The following RBFOX1 variants were observed in gnomAD, a reference collection of about 807,000 sequenced individuals.
RBFOX1 encodes the protein RNA binding protein fox-1 homolog 1.
In RBFOX1, 8 loss-of-function variants were observed where a neutral mutation model predicts 57.7. The ratio of observed to expected loss-of-function variants is 0.14; its 90% CI spans 0.08 to 0.25. RBFOX1 has a LOEUF of 0.25. Ranked by LOEUF, RBFOX1 falls within the 10% of genes least tolerant of loss-of-function variation. The pLI, the probability that RBFOX1 is intolerant of heterozygous loss-of-function variation, is 1.00. For synonymous variants in RBFOX1, 326 were observed against 222.4 expected (o/e 1.47, Z -4.15); for missense variants, 611 against 548.5 (o/e 1.11, Z -1.14).
At chr16:7,303,671 C>CAGCATCAGAACCAACGGAGTG (rs1568115256) in intron 4 of RBFOX1, among the ~76,000 whole-genome samples, 1 of 152,128 alleles carries the variant, frequency 6.6e-6, no homozygotes, top group African/African-American at 2.4e-5. Context: ...AGGAGACAGA[C>CAGCATCAGAACCAACGGAGTG]AGCATCAGAA....
At chr16:7,259,665 T>A (rs2094839903) in intron 4 of RBFOX1, among the ~76,000 whole-genome samples, 1 of 152,218 alleles carries the variant, frequency 6.6e-6, no homozygotes, top group African/African-American at 2.4e-5. Context: ...TGAAATTTTA[T>A]CACTAACTTG....
intron 3 of RBFOX1, among the ~76,000 whole-genome samples, chr16:6,932,587 A>G (rs946848721): frequency 3.9e-5 from 6 of 152,098 alleles, no homozygotes; most frequent in Admixed American, 3.3e-4. Flanking sequence ...CGTAGGCCTC[A>G]CTTCCTCATC....
chr16:6,239,485 CTTTTTTTTTT>C (rs59244306), intron 1 of RBFOX1, among the ~76,000 whole-genome samples: 45 of 67,806 alleles, frequency 6.6e-4, no homozygotes, highest in Middle Eastern at 0.013. Flanking sequence ...CCAACTGACT[CTTTTTTTTTT>C]TTTTTTTTTT....
chr16:7,596,034 T>A (rs945525391), intron 8 of RBFOX1, among the ~76,000 whole-genome samples: 2 of 151,090 alleles, frequency 1.3e-5, no homozygotes, highest in African/African-American at 4.9e-5. Flanking sequence ...TGAAGAGGGA[T>A]CCACAGTGGT....
intron 3 of RBFOX1, among the ~76,000 whole-genome samples, chr16:6,995,332 T>TGTGTGTGTGTGTG (rs1473973058): frequency 1.1e-5 from 1 of 90,516 alleles, no homozygotes; most frequent in Non-Finnish European, 2.4e-5. Context: ...GTGTGTGTGT[T>TGTGTGTGTGTGTG]AGAAGTGGTG....
At chr16:6,969,412 G>A (rs1195173753) in intron 3 of RBFOX1, among the ~76,000 whole-genome samples, 2 of 150,196 alleles carry the variant, frequency 1.3e-5, no homozygotes, top group Non-Finnish European at 2.9e-5. Flanking sequence ...ATTTCACAAT[G>A]AATAATTGTG....
intron 1 of RBFOX1, among the ~76,000 whole-genome samples, chr16:6,211,712 A>G (rs536141643): frequency 6.6e-6 from 1 of 152,314 alleles, no homozygotes; most frequent in African/African-American, 2.4e-5. Context: ...GCTATTAAAA[A>G]TGGAAAGTTA....
intron 1 of RBFOX1, among the ~76,000 whole-genome samples, chr16:5,434,889 C>G (rs533729856): frequency 2.0e-5 from 2 of 98,504 alleles, no homozygotes; most frequent in Non-Finnish European, 4.0e-5. Flanking sequence ...TGTCTTGATT[C>G]CCCACAAAGG....
intron 3 of RBFOX1, among the ~76,000 whole-genome samples, chr16:6,822,282 A>T (rs2091440059): frequency 6.6e-6 from 1 of 152,118 alleles, no homozygotes; most frequent in South Asian, 2.1e-4. Context: ...TGCCTTTTCC[A>T]TTCTATCACC....
At chr16:6,057,825 G>GT (rs34335596) in intron 1 of RBFOX1, among the ~76,000 whole-genome samples, 18,808 of 80,874 alleles carry the variant, frequency 0.23, 2,291 homozygotes, top group African/African-American at 0.27. Context: ...TTTGCTATGG[G>GT]TTTTTTTTTT....
intron 3 of RBFOX1, among the ~76,000 whole-genome samples, chr16:6,867,462 T>G (rs2060138932): frequency 6.6e-6 from 1 of 152,062 alleles, no homozygotes; most frequent in South Asian, 2.1e-4. Context: ...CTCACTCATG[T>G]AATTCCAGCA....
chr16:7,218,494 A>G (rs1432015588), intron 4 of RBFOX1, among the ~76,000 whole-genome samples: 1 of 152,186 alleles, frequency 6.6e-6, no homozygotes, highest in Non-Finnish European at 1.5e-5. Flanking sequence ...GAGAGAGAAA[A>G]TAGCAAAACA....
chr16:7,327,936 A>G (rs1027965428), intron 4 of RBFOX1, among the ~76,000 whole-genome samples: 1 of 152,020 alleles, frequency 6.6e-6, no homozygotes, highest in East Asian at 1.9e-4. Flanking sequence ...ATGAGGCAGG[A>G]GTTGGTCTTC....
At chr16:5,834,096 T>C (rs2151832839) in intron 3 of RBFOX1, among the ~76,000 whole-genome samples, 1 of 152,366 alleles carries the variant, frequency 6.6e-6, no homozygotes, top group Non-Finnish European at 1.5e-5. Flanking sequence ...AGAGGTCGTC[T>C]GTGAATTCTG....
At chr16:7,627,934 C>T (rs894859529) in intron 10 of RBFOX1, among the ~76,000 whole-genome samples, 44 of 148,526 alleles carry the variant, frequency 3.0e-4, no homozygotes, top group African/African-American at 3.5e-4. Context: ...TTTTTAACTA[C>T]GAAGAAAGTA....
At chr16:6,943,422 C>A (rs975448246) in intron 3 of RBFOX1, among the ~76,000 whole-genome samples, 1 of 152,086 alleles carries the variant, frequency 6.6e-6, no homozygotes, top group South Asian at 2.1e-4. Flanking sequence ...GAGTATGGGC[C>A]TGTGGGCCGG....
intron 4 of RBFOX1, among the ~76,000 whole-genome samples, chr16:7,335,652 G>A (rs558363095): frequency 2.2e-4 from 33 of 151,118 alleles, no homozygotes; most frequent in Middle Eastern, 3.5e-3. Flanking sequence ...ACTTTAAGAC[G>A]GCATCCACCT....
At chr16:7,498,737 C>T (rs931966884) in intron 4 of RBFOX1, among the ~76,000 whole-genome samples, 2 of 152,156 alleles carry the variant, frequency 1.3e-5, no homozygotes, top group Admixed American at 6.5e-5. Flanking sequence ...CCACACATGG[C>T]TAGTGGCTAC....
chr16:7,456,676 C>T (rs149647241), intron 4 of RBFOX1, among the ~76,000 whole-genome samples: 326 of 152,238 alleles, frequency 2.1e-3, no homozygotes, highest in Non-Finnish European at 3.4e-3. Context: ...CATCACCCAA[C>T]GGTCTTCCTG....
Sources: gnomAD v4.1 joint callset for allele counts (sites outside exome capture counted in the v4.1 genomes callset) on GRCh38, gnomAD v4.1.1 for gene constraint, MANE v1.5 for transcripts, NCBI Gene and HGNC (gene_info 2026-07-23, HGNC 2026-07-21) for gene names.